The following TAOK3 variants were observed in gnomAD, a reference collection of about 807,000 sequenced individuals.
TAOK3 encodes TAO kinase 3.
TAOK3 carries 40 observed loss-of-function variants against 120.4 expected under a neutral mutation model. That is an observed-to-expected ratio of 0.33 (90% CI 0.26 to 0.43). The LOEUF (loss-of-function observed/expected upper bound fraction) is 0.43. TAOK3 is among the 20% of genes least tolerant of loss of function. The pLI is 1.00. For missense variants in TAOK3, 821 were observed against 1,112.1 expected (o/e 0.74, Z 3.72); for synonymous variants, 355 against 387.5 (o/e 0.92, Z 0.99).
chr12:118,302,431 G>A (rs1386002355), intron 1 of TAOK3, among the ~76,000 whole-genome samples: 1 of 152,090 alleles, frequency 6.6e-6, no homozygotes, highest in Non-Finnish European at 1.5e-5. Flanking sequence ...TCTGACTTGT[G>A]GTATTGGTTA....
At chr12:118,318,484 C>T (rs2043567341) in intron 1 of TAOK3, among the ~76,000 whole-genome samples, 1 of 152,108 alleles carries the variant, frequency 6.6e-6, no homozygotes, top group Admixed American at 6.5e-5. Flanking sequence ...GACAAATCTG[C>T]ATGACCATGG....
intron 1 of TAOK3, among the ~76,000 whole-genome samples, chr12:118,317,260 T>G: frequency 7.2e-6 from 1 of 138,414 alleles, no homozygotes; most frequent in East Asian, 2.1e-4. Flanking sequence ...AGTGAAAGTT[T>G]GTCTCAAAAA....
At chr12:118,319,168 T>C (rs2043596418) in intron 1 of TAOK3, among the ~76,000 whole-genome samples, 1 of 152,206 alleles carries the variant, frequency 6.6e-6, no homozygotes, top group Admixed American at 6.5e-5. Context: ...CATTCTACAA[T>C]GTATGCATAT....
intron 19 of TAOK3, among the ~76,000 whole-genome samples, chr12:118,155,448 T>G (rs1446656815): frequency 6.6e-6 from 1 of 152,260 alleles, no homozygotes; most frequent in Non-Finnish European, 1.5e-5. Context: ...AGACAAAGTT[T>G]GCCAACTCCT....
At chr12:118,173,516 A>C (rs966486149) in intron 16 of TAOK3, among the ~76,000 whole-genome samples, 1 of 152,256 alleles carries the variant, frequency 6.6e-6, no homozygotes, top group South Asian at 2.1e-4. Flanking sequence ...AGATGGTAGT[A>C]GCTTGGACAA....
intron 9 of TAOK3, among the ~76,000 whole-genome samples, chr12:118,226,302 G>A (rs777355065): frequency 5.3e-5 from 8 of 152,220 alleles, no homozygotes; most frequent in Non-Finnish European, 1.2e-4. Context: ...TGTGAACCCG[G>A]GAGGCGGAGC....
At chr12:118,339,513 T>C (rs559832734) in intron 1 of TAOK3, among the ~76,000 whole-genome samples, 2 of 152,136 alleles carry the variant, frequency 1.3e-5, no homozygotes, top group South Asian at 4.1e-4. Context: ...TAAATCTGTG[T>C]AATGAATCAT....
chr12:118,234,530 C>T (rs1387368469), intron 8 of TAOK3, among the ~76,000 whole-genome samples: 1 of 152,118 alleles, frequency 6.6e-6, no homozygotes. Flanking sequence ...TGGCGTGAGC[C>T]ACCGCGCCTG....
intron 17 of TAOK3, among the ~76,000 whole-genome samples, chr12:118,162,698 A>G (rs1228624758): frequency 2.0e-5 from 3 of 151,598 alleles, no homozygotes; most frequent in African/African-American, 7.3e-5. Flanking sequence ...CTCCCCTTTC[A>G]TCTTCTGCAT....
chr12:118,179,503 C>T (rs914912138), intron 15 of TAOK3, among the ~76,000 whole-genome samples: 12 of 152,032 alleles, frequency 7.9e-5, no homozygotes, highest in African/African-American at 1.7e-4. Context: ...ATGTAAATGA[C>T]GAGTTAATGG....
intron 1 of TAOK3, among the ~76,000 whole-genome samples, chr12:118,340,772 A>G (rs1270849901): frequency 6.7e-6 from 1 of 150,196 alleles, no homozygotes; most frequent in African/African-American, 2.5e-5. Context: ...AAAGATAAGA[A>G]CCATAAAAAA....
At chr12:118,237,522 C>A (rs535677059) in intron 7 of TAOK3, among the ~76,000 whole-genome samples, 2 of 152,174 alleles carry the variant, frequency 1.3e-5, no homozygotes, top group South Asian at 4.1e-4. Flanking sequence ...GAGTTTCAAT[C>A]CTTAACATAT....
intron 1 of TAOK3, among the ~76,000 whole-genome samples, chr12:118,311,581 C>T (rs1156610914): frequency 1.3e-5 from 2 of 151,982 alleles, no homozygotes; most frequent in African/African-American, 4.8e-5. Context: ...CATAGGAATC[C>T]CAAGAGACAA....
chr12:118,273,936 C>T (rs1266667105), intron 1 of TAOK3, among the ~76,000 whole-genome samples: 1 of 152,150 alleles, frequency 6.6e-6, no homozygotes, highest in Non-Finnish European at 1.5e-5. Flanking sequence ...ATATTTCATT[C>T]ATTATCTTGC....
In TAOK3 at chr12:118,161,733, T is replaced by C; in HGVS notation, c.2139+55A>G. The stretch of plus-strand genomic sequence containing the variant: ...AAGTTGCTCAGGTGACTCTGACACT[T>C]CAGGTAGAGAAACCACTGATCTGGT... On this transcript the variant is annotated intron_variant, in intron 18 of 20. Coordinates refer to ENST00000392533, the MANE Select transcript of TAOK3 (RefSeq NM_016281.4). This position sits in a 1 kb window ranked among gnomAD's most constrained non-coding sequence, Gnocchi z 4.5. The C allele has an allele frequency of 6.3e-7, 1 of 1,596,038 alleles. No homozygotes were observed. Among genetic ancestry groups the C allele is most frequent in the Non-Finnish European group, 8.6e-7 (1 of 1,168,404 alleles).
chr12:118,204,679 C>T (rs2038203173), intron 11 of TAOK3, among the ~76,000 whole-genome samples: 1 of 152,186 alleles, frequency 6.6e-6, no homozygotes, highest in South Asian at 2.1e-4. Flanking sequence ...TTTTAGTAAA[C>T]TTAAAGCTAT....
chr12:118,210,740 C>CTTTTTTTTTTT (rs972130210), intron 11 of TAOK3, among the ~76,000 whole-genome samples: 1 of 139,084 alleles, frequency 7.2e-6, no homozygotes, highest in Non-Finnish European at 1.6e-5. Flanking sequence ...TTTCTTTTTT[C>CTTTTTTTTTTT]TTTTTTTTTT....
intron 11 of TAOK3, among the ~76,000 whole-genome samples, chr12:118,202,051 G>C (rs1241710657): frequency 6.6e-6 from 1 of 151,120 alleles, no homozygotes; most frequent in Non-Finnish European, 1.5e-5. Context: ...CTATTTTTTT[G>C]TGTGTCTGGT....
chr12:118,267,422 C>T (rs947899884), intron 1 of TAOK3, among the ~76,000 whole-genome samples: 8 of 149,738 alleles, frequency 5.3e-5, no homozygotes, highest in South Asian at 2.2e-4. Context: ...ACCATGTTGG[C>T]CAGGCTGGTC....
Sources: gnomAD v4.1 joint callset for allele counts (sites outside exome capture counted in the v4.1 genomes callset) on GRCh38, gnomAD v4.1.1 for gene constraint, Gnocchi (gnomAD v3.1) non-coding constraint, MANE v1.5 for transcripts, NCBI Gene and HGNC (gene_info 2026-07-23, HGNC 2026-07-21) for gene names.